Variants in AQR observed in about 807,000 individuals in gnomAD.
AQR encodes aquarius intron-binding spliceosomal factor.
AQR carries 61 observed loss-of-function variants against 180.5 expected under a neutral mutation model. The observed-to-expected ratio is 0.34, with a 90% CI of 0.28 to 0.42. AQR has a LOEUF of 0.42. AQR is among the 10% of genes least tolerant of loss of function. AQR has a pLI of 1.00. For synonymous variants in AQR, 551 were observed against 588.8 expected (o/e 0.94, Z 0.93); for missense variants, 1,281 against 1,798.3 (o/e 0.71, Z 5.20).
At chr15:34,929,555 T>C (rs1380171182) in intron 12 of AQR, among the ~76,000 whole-genome samples, 2 of 152,322 alleles carry the variant, frequency 1.3e-5, no homozygotes, top group African/African-American at 4.8e-5. Context: ...TATATGTCTG[T>C]TTTGGTACCA....
At chr15:34,899,292 A>C (rs919865768) in intron 20 of AQR, among the ~76,000 whole-genome samples, 1 of 152,210 alleles carries the variant, frequency 6.6e-6, no homozygotes, top group Non-Finnish European at 1.5e-5. Context: ...CAGGAGTAGA[A>C]AAATGTCTTT....
chr15:34,910,520 T>C (rs1057228182), intron 16 of AQR, among the ~76,000 whole-genome samples: 2 of 151,840 alleles, frequency 1.3e-5, no homozygotes, highest in South Asian at 2.1e-4. Flanking sequence ...AGGGATATGA[T>C]AGCATGAAAC....
At chr15:34,958,489 C>G (rs1292734221) in intron 3 of AQR, among the ~76,000 whole-genome samples, 1 of 152,164 alleles carries the variant, frequency 6.6e-6, no homozygotes, top group Non-Finnish European at 1.5e-5. Context: ...GCACTCAAAC[C>G]TGGGTGAAAG....
chr15:34,911,889 C>T (rs1044948709), intron 16 of AQR, among the ~76,000 whole-genome samples: 1 of 128,642 alleles, frequency 7.8e-6, no homozygotes, highest in Non-Finnish European at 1.7e-5. Context: ...AGCTTTTCCC[C>T]TATGTTTTCT....
Position 34,876,197 on chromosome 15 carries a change from G to GAAATTCAAGTAT in AQR, c.3166-192_3166-191insATACTTGAATTT, listed in dbSNP as rs1228803129. ...TGGTCTTACTTATCATTATGCCTCT[G>GAAATTCAAGTAT]CATTTCCAATTCAAGTATTTGACTT... On this transcript the variant is annotated intron_variant, in intron 27 of 34. Coordinates refer to ENST00000156471, the MANE Select transcript of AQR (RefSeq NM_014691.3). Among the ~76,000 whole-genome samples, 12 of 152,270 alleles carry GAAATTCAAGTAT rather than the reference G, an allele frequency of 7.9e-5. No homozygotes were observed. The East Asian group carries it at 2.3e-3, about 29-fold the overall frequency.
chr15:34,948,927 G>T (rs550726854), intron 4 of AQR, among the ~76,000 whole-genome samples: 1 of 152,012 alleles, frequency 6.6e-6, no homozygotes, highest in Non-Finnish European at 1.5e-5. Flanking sequence ...AAATAAAAAG[G>T]TATCAAACGT....
At chr15:34,901,482 A>G (rs1198550465) in intron 19 of AQR, among the ~76,000 whole-genome samples, 1 of 152,242 alleles carries the variant, frequency 6.6e-6, no homozygotes, top group Non-Finnish European at 1.5e-5. Flanking sequence ...TAGTTAGCAT[A>G]TATGCTGTCA....
intron 32 of AQR, among the ~76,000 whole-genome samples, chr15:34,864,885 T>A (rs1892720466): frequency 1.3e-5 from 2 of 152,174 alleles, no homozygotes; most frequent in Admixed American, 1.3e-4. Context: ...CAAGGATATA[T>A]TAATGAATCT....
At chr15:34,953,016 A>T in intron 3 of AQR, 96 bp from the exon 4 acceptor site, 1 of 687,442 alleles carries the variant, frequency 1.5e-6, no homozygotes, top group East Asian at 3.2e-5. Flanking sequence ...TTGTTTCCAT[A>T]TTAACCCATC....
At chr15:34,933,169 A>G (rs1468198272) in intron 10 of AQR, among the ~76,000 whole-genome samples, 1 of 152,224 alleles carries the variant, frequency 6.6e-6, no homozygotes, top group East Asian at 1.9e-4. Context: ...ATAGCTTGAA[A>G]ATTACTAATC....
At chr15:34,905,288 C>T (rs1418097934) in intron 18 of AQR, among the ~76,000 whole-genome samples, 4 of 151,864 alleles carry the variant, frequency 2.6e-5, no homozygotes, top group Non-Finnish European at 1.5e-5. Context: ...ACTAAAGTTT[C>T]AAAAGAAGTA....
rs558085452 is a variant in AQR at position 34,967,786 on chromosome 15, G to A, written c.75+1753C>T. Among the ~76,000 whole-genome samples, 214 of 152,204 alleles carry A rather than the reference G, an allele frequency of 1.4e-3. 1 individual carries two copies. The highest frequency in any genetic ancestry group is 4.6e-3 in the African/African-American group (193 of 41,520). ...GAAGGATTTCAGCCGTTAACCTAAG[G>A]GTAATTAGAATTCTTTAAAGATTTC... On this transcript the variant is annotated intron_variant, in intron 1 of 34. Coordinates refer to ENST00000156471, the MANE Select transcript of AQR (RefSeq NM_014691.3).
intron 34 of AQR, among the ~76,000 whole-genome samples, chr15:34,859,022 G>C (rs1451330664): frequency 6.6e-6 from 1 of 152,060 alleles, no homozygotes; most frequent in Non-Finnish European, 1.5e-5. Flanking sequence ...GTATTTTTAG[G>C]ACATAAAAAG....
At chr15:34,948,431 C>G in intron 4 of AQR, 47 bp from the exon 5 acceptor site, 1 of 1,583,098 alleles carries the variant, frequency 6.3e-7, no homozygotes, top group Non-Finnish European at 8.6e-7. Flanking sequence ...TACCACCACT[C>G]ACTGTAATAC....
At chr15:34,915,281 C>T in intron 15 of AQR, 102 bp from the exon 16 acceptor site, 6 of 1,173,544 alleles carry the variant, frequency 5.1e-6, no homozygotes, top group Non-Finnish European at 3.4e-6. Context: ...ACCTCCGCCT[C>T]CCAGATTCAA....
chr15:34,904,745 C>A (rs1893385436), intron 18 of AQR, among the ~76,000 whole-genome samples: 1 of 150,980 alleles, frequency 6.6e-6, no homozygotes, highest in South Asian at 2.1e-4. Flanking sequence ...GTTTACGATG[C>A]AACACCATGA....
rs550584187 is a variant in AQR at position 34,867,694 on chromosome 15, C to T, written c.3769-85G>A. ...ATTTAAATAATGTGCTAGGAACAAA[C>T]ATCTTATCCTTAATCAATCCCAAAA... is the stretch of plus-strand genomic sequence containing the variant. On this transcript the variant is annotated intron_variant, in intron 31 of 34. Coordinates refer to ENST00000156471, the MANE Select transcript of AQR (RefSeq NM_014691.3). The T allele has an allele frequency of 9.1e-5, 83 of 907,408 alleles. No homozygotes were observed. In the South Asian group the frequency reaches 1.2e-3, roughly 13 times the overall value. 56.2% of individuals were successfully genotyped at this position (907,408 alleles called of 1,614,324 possible).
chr15:34,932,028 T>C (rs147464334), intron 11 of AQR, among the ~76,000 whole-genome samples: 41 of 152,312 alleles, frequency 2.7e-4, no homozygotes, highest in African/African-American at 8.9e-4. Flanking sequence ...CATTTAAAAT[T>C]AATGCTCATC....
intron 23 of AQR, among the ~76,000 whole-genome samples, chr15:34,891,255 T>C (rs1010104895): frequency 6.6e-6 from 1 of 152,172 alleles, no homozygotes; most frequent in Admixed American, 6.5e-5. Context: ...GCAGATTACA[T>C]GGTGTTACTC....
Sources: gnomAD v4.1 joint callset for allele counts (sites outside exome capture counted in the v4.1 genomes callset) on GRCh38, gnomAD v4.1.1 for gene constraint, MANE v1.5 for transcripts, NCBI Gene and HGNC (gene_info 2026-07-23, HGNC 2026-07-21) for gene names.